CELF2: variants seen among roughly 807,000 people sequenced by gnomAD.
The protein encoded by CELF2 is CUGBP Elav-like family member 2.
Under a neutral mutation model 62.6 loss-of-function variants are expected in CELF2, and 8 were observed. That is an observed-to-expected ratio of 0.13 (90% CI 0.07 to 0.23). CELF2 has a LOEUF of 0.23. CELF2 is among the 10% of genes least tolerant of loss of function. The pLI, the probability that CELF2 is intolerant of heterozygous loss-of-function variation, is 1.00. For synonymous variants in CELF2, 258 were observed against 250.0 expected (o/e 1.03, Z -0.30); for missense variants, 333 against 671.0 (o/e 0.50, Z 5.56).
At position 11,237,756 on chromosome 10, in the gene CELF2, A is replaced by ATTCG. The variant is rs34949796; in HGVS notation, c.355-11397_355-11396insTTCG. On this transcript the variant is annotated intron_variant, in intron 3 of 12. Coordinates refer to ENST00000633077, the MANE Select transcript of CELF2 (RefSeq NM_001326342.2). The surrounding 1 kb of genome is among the most constrained non-coding windows in gnomAD (Gnocchi z 4.0). ...CAGCTGGCACTGGGGAGGGCACCGAAGGCTGAGGGAGCACTGAGGCCCCAG... is the reference window on the plus strand; with the variant it reads ...CAGCTGGCACTGGGGAGGGCACCGAATTCGGGCTGAGGGAGCACTGAGGCCCCAG... Among the ~76,000 whole-genome samples the ATTCG allele has an allele frequency of 0.46, 69,865 of 151,656 alleles. 16,039 individuals are homozygous for ATTCG. The highest frequency in any genetic ancestry group is 0.51 in the African/African-American group (21,001 of 41,316).
At chr10:11,058,461 GTTTTTTT>G (rs67113152) in intron 1 of CELF2, among the ~76,000 whole-genome samples, 1 of 116,806 alleles carries the variant, frequency 8.6e-6, no homozygotes, top group East Asian at 3.1e-4. Context: ...TTTTTTGTTG[GTTTTTTT>G]TTTTTTTTTT....
intron 2 of CELF2, among the ~76,000 whole-genome samples, chr10:10,953,163 T>A (rs575668603): frequency 6.6e-6 from 1 of 152,220 alleles, no homozygotes; most frequent in Non-Finnish European, 1.5e-5. Context: ...TTTATGATTA[T>A]ATTGTTATTG....
At chr10:10,566,124 A>G in the CELF2 span, among the ~76,000 whole-genome samples, 48 of 152,168 alleles carry the variant, frequency 3.2e-4, no homozygotes, top group Non-Finnish European at 5.6e-4. Flanking sequence ...AGAACCATGC[A>G]TGGTCTTTAC....
the CELF2 span, among the ~76,000 whole-genome samples, chr10:10,597,295 T>C: frequency 1.3e-5 from 2 of 152,320 alleles, no homozygotes; most frequent in African/African-American, 2.4e-5. Context: ...AACTGATTGA[T>C]AGTACATTAG....
Position 11,117,774 on chromosome 10 carries a change from A to G in CELF2, c.75-47712A>G, listed in dbSNP as rs547991276. On this transcript the variant is annotated intron_variant, in intron 1 of 12. Coordinates refer to ENST00000633077, the MANE Select transcript of CELF2 (RefSeq NM_001326342.2). The surrounding 1 kb of genome is among the most constrained non-coding windows in gnomAD (Gnocchi z 4.1). ...CTTCCACTGACCCCGGAACTTCCAA[A>G]GCATCAGGCTTGGGTCAAATAGGAT... is the stretch of plus-strand genomic sequence containing the variant. 6.6e-6 allele frequency among the ~76,000 whole-genome samples: 1 copy of G among 152,280 alleles called. No homozygotes were observed. The highest frequency in any genetic ancestry group is 2.4e-5 in the African/African-American group (1 of 41,562).
intron 1 of CELF2, among the ~76,000 whole-genome samples, chr10:10,879,880 G>A (rs1427848937): frequency 6.6e-6 from 1 of 152,248 alleles, no homozygotes; most frequent in East Asian, 1.9e-4. Flanking sequence ...TTCTTGTCTA[G>A]TCTGACAGTA....
the CELF2 span, among the ~76,000 whole-genome samples, chr10:10,558,686 A>T: frequency 1.2e-4 from 19 of 152,134 alleles, no homozygotes; most frequent in East Asian, 3.7e-3. Flanking sequence ...TGCTTGGTAA[A>T]CTATTGATTA....
In CELF2 at chr10:11,090,669, A is replaced by G. The variant is rs61048340; in HGVS notation, c.74+72506A>G. Among the ~76,000 whole-genome samples the G allele has an allele frequency of 2.8e-3, 424 of 152,374 alleles. 1 individual carries two copies. The highest frequency in any genetic ancestry group is 9.7e-3 in the African/African-American group (403 of 41,588). On this transcript the variant is annotated intron_variant, in intron 1 of 12. Transcript: ENST00000633077. ...TAGGTAAAGATATTATGATATATCT[A>G]CATAATAGAATACTTCATAGCCATT...
chr10:10,664,579 C>T, the CELF2 span, among the ~76,000 whole-genome samples: 1 of 152,080 alleles, frequency 6.6e-6, no homozygotes, highest in Non-Finnish European at 1.5e-5. Context: ...ATACTTTTTT[C>T]AATTTCAACA....
intron 2 of CELF2, among the ~76,000 whole-genome samples, chr10:11,215,304 T>C (rs1407759670): frequency 6.6e-6 from 1 of 152,232 alleles, no homozygotes; most frequent in Non-Finnish European, 1.5e-5. Context: ...CACACAGAAG[T>C]GCACACAATT....
In CELF2 at chr10:10,923,359, G is replaced by GA. The variant is rs1374412476; in HGVS notation, c.89+3363dup. Among the ~76,000 whole-genome samples, 5 of 152,256 alleles carry GA rather than the reference G, an allele frequency of 3.3e-5. No homozygotes were observed. The East Asian group carries it at 9.6e-4, about 29-fold the overall frequency. On this transcript the variant is annotated intron_variant, in intron 2 of 13. Coordinates refer to the CELF2 transcript ENST00000636488. ...GGCTATGACTGTCTTGAAATGTTCC[G>GA]AAAGACCATTTACACGGGTTGCATA...
At chr10:11,187,899 T>C (rs2134307090) in intron 2 of CELF2, among the ~76,000 whole-genome samples, 1 of 152,364 alleles carries the variant, frequency 6.6e-6, no homozygotes, top group South Asian at 2.1e-4. Flanking sequence ...GAAAACTATC[T>C]CGCCTGTTTA....
intron 2 of CELF2, among the ~76,000 whole-genome samples, chr10:10,920,455 A>G (rs1211387118): frequency 6.6e-6 from 1 of 152,212 alleles, no homozygotes; most frequent in Non-Finnish European, 1.5e-5. Flanking sequence ...CATAGTATTG[A>G]TAGTATAAGT....
chr10:10,841,915 A>G (rs1053620846), intron 1 of CELF2, among the ~76,000 whole-genome samples: 1 of 152,128 alleles, frequency 6.6e-6, no homozygotes, highest in African/African-American at 2.4e-5. Flanking sequence ...TGAGACTTTC[A>G]AAATGAACCC....
At chr10:11,283,815 G>T (rs1322307316) in intron 8 of CELF2, among the ~76,000 whole-genome samples, 1 of 150,360 alleles carries the variant, frequency 6.7e-6, no homozygotes, top group East Asian at 2.0e-4. Context: ...GTGGATGGGT[G>T]GATGGTGGGT....
chr10:10,522,859 C>A, the CELF2 span, among the ~76,000 whole-genome samples: 2 of 152,116 alleles, frequency 1.3e-5, no homozygotes, highest in Non-Finnish European at 2.9e-5. Context: ...CATAAGCCAC[C>A]GTGTCTGGCC....
At chr10:10,682,336 T>C in the CELF2 span, among the ~76,000 whole-genome samples, 2 of 152,238 alleles carry the variant, frequency 1.3e-5, no homozygotes, top group Non-Finnish European at 2.9e-5. Context: ...TCTCAGTTGT[T>C]ACCCATTGCT....
chr10:10,844,130 A>AT (rs1454797248), intron 1 of CELF2, among the ~76,000 whole-genome samples: 5 of 151,906 alleles, frequency 3.3e-5, no homozygotes, highest in Admixed American at 1.3e-4. Flanking sequence ...GAGTCCTGAT[A>AT]TTTTTTTCCT....
chr10:10,863,413 A>G (rs956287583), intron 1 of CELF2, among the ~76,000 whole-genome samples: 1 of 152,140 alleles, frequency 6.6e-6, no homozygotes, highest in Non-Finnish European at 1.5e-5. Flanking sequence ...TGTCAAAAAC[A>G]TTGACATTTC....
Sources: allele counts gnomAD v4.1 joint callset (sites outside exome capture counted in the v4.1 genomes callset), GRCh38; gene constraint gnomAD v4.1.1; non-coding constraint Gnocchi (gnomAD v3.1); transcripts MANE v1.5; gene names NCBI Gene and HGNC (gene_info 2026-07-23, HGNC 2026-07-21).